Variants in SGIP1 observed in about 807,000 individuals in gnomAD.
SGIP1 encodes the protein SH3GL interacting endocytic adaptor 1, also known as SH3-containing GRB2-like protein 3-interacting protein 1.
Under a neutral mutation model 107.5 loss-of-function variants are expected in SGIP1, and 38 were observed. That is an observed-to-expected ratio of 0.35 (90% CI 0.27 to 0.46). The LOEUF is 0.46. Ranked by LOEUF, SGIP1 falls within the 20% of genes least tolerant of loss-of-function variation. The probability of loss-of-function intolerance (pLI) is 1.00; values close to 1 mark genes in which losing one functional copy is unlikely to be tolerated. For missense variants in SGIP1, 929 were observed against 1,019.5 expected, an observed-to-expected ratio of 0.91 and a Z score of 1.21; for synonymous variants, 365 against 366.1, an observed-to-expected ratio of 1.00 and a Z score of 0.03.
intron 7 of SGIP1, among the ~76,000 whole-genome samples, chr1:66,654,053 G>T (rs1571295910): frequency 1.3e-5 from 2 of 152,116 alleles, no homozygotes; most frequent in South Asian, 4.1e-4. Flanking sequence ...CCACAGCAGT[G>T]AATGACACAT....
Position 66,660,424 on chromosome 1 carries a change from A to T in SGIP1, c.460-89A>T, listed in dbSNP as rs1374416827. 10 of 1,255,462 alleles carry T rather than the reference A, an allele frequency of 8.0e-6. No homozygotes were observed. In the Admixed American group the frequency reaches 1.7e-4, roughly 21 times the overall value. 77.8% of individuals were successfully genotyped at this position (1,255,462 alleles called of 1,614,324 possible). A position where few individuals can be genotyped will look rare whatever the true frequency, so the allele number is the denominator to read the frequency against. On this transcript the variant is annotated intron_variant, in intron 7 of 24. Transcript: ENST00000371037. ...TTCGAGAGCTCCCTTAAGTAAGGTT[A>T]TCCTGAACCTTGACCTGTTTCTTCT...
intron 1 of SGIP1, among the ~76,000 whole-genome samples, chr1:66,556,886 A>G (rs574631524): frequency 6.6e-6 from 1 of 152,268 alleles, no homozygotes; most frequent in South Asian, 2.1e-4. Context: ...TAGTCACTGA[A>G]TGCCAGTTAT....
chr1:66,548,611 A>G (rs2056859092), intron 1 of SGIP1, among the ~76,000 whole-genome samples: 1 of 152,094 alleles, frequency 6.6e-6, no homozygotes, highest in Admixed American at 6.6e-5. Context: ...ATACTGAATC[A>G]GTTTGTTTAT....
intron 1 of SGIP1, among the ~76,000 whole-genome samples, chr1:66,592,659 G>T (rs2063842130): frequency 6.6e-6 from 1 of 152,076 alleles, no homozygotes; most frequent in African/African-American, 2.4e-5. Flanking sequence ...CATTCTATAG[G>T]TTTGGGCAAA....
chr1:66,572,773 G>A (rs1472509585), intron 1 of SGIP1, among the ~76,000 whole-genome samples: 6 of 152,044 alleles, frequency 3.9e-5, no homozygotes, highest in African/African-American at 1.4e-4. Flanking sequence ...ATATTTTAAA[G>A]AGCCTACAAC....
At chr1:66,579,713 G>C (rs551969505) in intron 1 of SGIP1, among the ~76,000 whole-genome samples, 2 of 152,112 alleles carry the variant, frequency 1.3e-5, no homozygotes, top group East Asian at 3.9e-4. Context: ...ATGCTTCTTG[G>C]ATCACCTTTC....
intron 18 of SGIP1, among the ~76,000 whole-genome samples, chr1:66,708,093 A>G (rs1396222626): frequency 6.6e-6 from 1 of 152,158 alleles, no homozygotes; most frequent in African/African-American, 2.4e-5. Flanking sequence ...AACACAGGGT[A>G]GGGTTTAAGA....
At chr1:66,589,216 A>ATATATGTGTGTGTG (rs1553238978) in intron 1 of SGIP1, among the ~76,000 whole-genome samples, 3 of 96,418 alleles carry the variant, frequency 3.1e-5, no homozygotes, top group African/African-American at 1.2e-4. Flanking sequence ...ATATATATAT[A>ATATATGTGTGTGTG]TGTAAGGCTT....
At chr1:66,632,956 T>A in intron 2 of SGIP1, 114 bp from the exon 3 acceptor site, 1 of 753,580 alleles carries the variant, frequency 1.3e-6, no homozygotes, top group Non-Finnish European at 2.4e-6. Context: ...TTTACTGGGG[T>A]GGGAATGCTG....
At chr1:66,594,666 G>T (rs1210625990) in intron 1 of SGIP1, among the ~76,000 whole-genome samples, 1 of 152,046 alleles carries the variant, frequency 6.6e-6, no homozygotes, top group Non-Finnish European at 1.5e-5. Flanking sequence ...ATAAACTCCG[G>T]TTTATTAACT....
chr1:66,629,545 G>C (rs1308285727), intron 2 of SGIP1, among the ~76,000 whole-genome samples: 1 of 151,892 alleles, frequency 6.6e-6, no homozygotes, highest in East Asian at 1.9e-4. Flanking sequence ...ATATCAATGG[G>C]TAGAATTAAA....
chr1:66,692,090 C>A (rs1474882944), intron 17 of SGIP1, among the ~76,000 whole-genome samples: 1 of 147,746 alleles, frequency 6.8e-6, no homozygotes, highest in Non-Finnish European at 1.5e-5. Flanking sequence ...ACTCGGGAGG[C>A]AGAGGTTGCA....
intron 8 of SGIP1, 126 bp downstream of exon 8, chr1:66,660,650 C>A: frequency 2.2e-6 from 2 of 925,918 alleles, no homozygotes; most frequent in South Asian, 1.4e-5. Context: ...AAAAACAAAT[C>A]TTTGCGAACC....
rs2094597400 is a variant in SGIP1, at chr1:66,749,501, C to A, written c.*6406C>A. Among the ~76,000 whole-genome samples the A allele has an allele frequency of 6.7e-6, 1 of 150,002 alleles. No homozygotes were observed. Among genetic ancestry groups the A allele is most frequent in the South Asian group, 2.1e-4 (1 of 4,764 alleles). On this transcript the variant is annotated 3_prime_UTR_variant, in exon 25 of 25. Transcript: ENST00000371037. Reference sequence around the variant, plus strand: ...TTTGCTTTACTTTGCCAATCAGTTACTTTTATACCAAATTAACGAAGTTTC... The same window carrying A: ...TTTGCTTTACTTTGCCAATCAGTTAATTTTATACCAAATTAACGAAGTTTC...
At chr1:66,688,269 G>A (rs1214575050) in intron 15 of SGIP1, among the ~76,000 whole-genome samples, 1 of 152,190 alleles carries the variant, frequency 6.6e-6, no homozygotes, top group Non-Finnish European at 1.5e-5. Flanking sequence ...ACGTTGATTT[G>A]ACTTTTTAAA....
At chr1:66,640,844 C>CA (rs760955546) in intron 5 of SGIP1, among the ~76,000 whole-genome samples, 4 of 148,292 alleles carry the variant, frequency 2.7e-5, no homozygotes, top group African/African-American at 4.9e-5. Context: ...AATAAATGCT[C>CA]AAAAAAATGG....
At chr1:66,607,877 A>C in intron 1 of SGIP1, among the ~76,000 whole-genome samples, 1 of 152,196 alleles carries the variant, frequency 6.6e-6, no homozygotes, top group Non-Finnish European at 1.5e-5. Flanking sequence ...AAGAAAACTG[A>C]GTAGATCAGA....
At chr1:66,647,388 C>T (rs1267598773) in intron 7 of SGIP1, among the ~76,000 whole-genome samples, 3 of 152,158 alleles carry the variant, frequency 2.0e-5, no homozygotes, top group East Asian at 3.9e-4. Flanking sequence ...ATCACATGGA[C>T]ACATTCACTG....
chr1:66,660,038 G>GAAAAA (rs2080806047), intron 7 of SGIP1: 1 of 91,478 alleles, frequency 1.1e-5, no homozygotes, highest in Non-Finnish European at 1.8e-5. Context: ...AAGGAAGGAA[G>GAAAAA]GAAAGAAAGA....
Sources: gnomAD v4.1 joint callset for allele counts (sites outside exome capture counted in the v4.1 genomes callset) on GRCh38, gnomAD v4.1.1 for gene constraint, MANE v1.5 for transcripts, NCBI Gene and HGNC (gene_info 2026-07-23, HGNC 2026-07-21) for gene names.